SLX9: variants seen among roughly 807,000 people sequenced by gnomAD.
SLX9 encodes ribosome biogenesis protein SLX9 homolog.
A neutral mutation model predicts 20.8 loss-of-function variants in SLX9; 19 were observed. The observed-to-expected ratio is 0.91, with a 90% CI of 0.64 to 1.34. The LOEUF (loss-of-function observed/expected upper bound fraction) is 1.34, where lower values mean the gene tolerates loss of function less well. Ranked by LOEUF, SLX9 falls within the 40% of genes most tolerant of loss-of-function variation. The pLI is 0.00. For missense variants in SLX9, 299 were observed against 322.2 expected, an observed-to-expected ratio of 0.93 and a Z score of 0.55; for synonymous variants, 113 against 137.1, an observed-to-expected ratio of 0.82 and a Z score of 1.23.
chr21:44,948,118 C>T (rs926387129), intron 2 of SLX9, among the ~76,000 whole-genome samples: 4 of 152,382 alleles, frequency 2.6e-5, no homozygotes, highest in East Asian at 3.9e-4. Flanking sequence ...GCCTTGGGCA[C>T]GGCTCCAATC....
At chr21:44,974,972 G>A (rs535816141) in intron 5 of SLX9, among the ~76,000 whole-genome samples, 7 of 152,314 alleles carry the variant, frequency 4.6e-5, no homozygotes, top group South Asian at 2.1e-4. Context: ...CCTTGCGGTC[G>A]CGGCATTTTG....
In SLX9 at chr21:44,966,970, G is replaced by A; in HGVS notation, c.353-64G>A. ...CCTGCCAGGTCTCTCGTGGGCCAGA[G>A]GCTCTGGGCCTGGGCTCCTCCTCTG... On this transcript the variant is annotated intron_variant, in intron 3 of 5. Transcript: ENST00000291634. 3 of 1,552,780 alleles carry A rather than the reference G, an allele frequency of 1.9e-6. No homozygotes were observed. The South Asian group carries it at 3.5e-5, about 18-fold the overall frequency.
chr21:44,946,551 C>G (rs1185367918), intron 2 of SLX9, among the ~76,000 whole-genome samples: 1 of 152,218 alleles, frequency 6.6e-6, no homozygotes, highest in Non-Finnish European at 1.5e-5. Context: ...CTGCCCATGG[C>G]TGTGATTTCT....
intron 2 of SLX9, among the ~76,000 whole-genome samples, chr21:44,950,030 C>T (rs887154596): frequency 1.3e-5 from 2 of 152,102 alleles, no homozygotes; most frequent in Non-Finnish European, 2.9e-5. Flanking sequence ...CCTTGCACAG[C>T]GGAGACTTGG....
At chr21:44,957,893 G>A (rs547710435) in intron 2 of SLX9, among the ~76,000 whole-genome samples, 2 of 152,358 alleles carry the variant, frequency 1.3e-5, no homozygotes, top group East Asian at 1.9e-4. Flanking sequence ...GGCAGTGTGT[G>A]AGCCGCCCGT....
intron 4 of SLX9, among the ~76,000 whole-genome samples, chr21:44,969,521 C>T (rs575545062): frequency 5.3e-5 from 8 of 152,276 alleles, no homozygotes; most frequent in South Asian, 2.1e-4. Context: ...TGGGAGTCCC[C>T]GTCCCTCCTC....
intron 2 of SLX9, among the ~76,000 whole-genome samples, chr21:44,948,500 C>T (rs181950488): frequency 5.9e-4 from 90 of 152,322 alleles, no homozygotes; most frequent in Non-Finnish European, 1.1e-3. Flanking sequence ...GAAAACGAGC[C>T]CACCTGTTTT....
chr21:44,939,780 A>C, upstream of SLX9: 1 of 539,218 alleles, frequency 1.9e-6, no homozygotes, highest in Non-Finnish European at 3.5e-6. Flanking sequence ...CTTGGACGCA[A>C]CCCCGGGCTT....
At chr21:44,946,748 C>T (rs1203180635) in intron 2 of SLX9, among the ~76,000 whole-genome samples, 1 of 152,238 alleles carries the variant, frequency 6.6e-6, no homozygotes, top group Non-Finnish European at 1.5e-5. Flanking sequence ...GCTCTCAGCC[C>T]AGGGTTCTGG....
At chr21:44,949,256 G>A (rs1469907783) in intron 2 of SLX9, among the ~76,000 whole-genome samples, 1 of 152,168 alleles carries the variant, frequency 6.6e-6, no homozygotes, top group Non-Finnish European at 1.5e-5. Flanking sequence ...CCCTCGCACG[G>A]TTTGTGGCCT....
chr21:44,957,131 G>A (rs1358519401), intron 2 of SLX9, among the ~76,000 whole-genome samples: 1 of 152,234 alleles, frequency 6.6e-6, no homozygotes, highest in African/African-American at 2.4e-5. Flanking sequence ...AGCTCATGCT[G>A]CAGGTTTTTG....
chr21:44,949,480 C>T (rs577655755), intron 2 of SLX9, among the ~76,000 whole-genome samples: 10 of 152,238 alleles, frequency 6.6e-5, no homozygotes, highest in African/African-American at 9.6e-5. Flanking sequence ...CCCCAAAGCG[C>T]GGCCCCAGCT....
At chr21:44,962,569 C>G (rs933901262) in intron 3 of SLX9, among the ~76,000 whole-genome samples, 6 of 152,250 alleles carry the variant, frequency 3.9e-5, no homozygotes, top group Non-Finnish European at 7.3e-5. Flanking sequence ...ACTCACTTTC[C>G]TGCTGATGGG....
chr21:44,967,618 C>A (rs1047672513), intron 4 of SLX9, among the ~76,000 whole-genome samples: 1 of 152,184 alleles, frequency 6.6e-6, no homozygotes, highest in Non-Finnish European at 1.5e-5. Flanking sequence ...CTGCAGTCTC[C>A]CCTCCTGAGT....
intron 5 of SLX9, among the ~76,000 whole-genome samples, chr21:44,974,253 T>G (rs1568948883): frequency 4.3e-5 from 1 of 23,506 alleles, no homozygotes; most frequent in Non-Finnish European, 1.8e-4. Context: ...TTTGTGTCAG[T>G]TCTACCGAGG....
intron 5 of SLX9, 131 bp from the exon 6 acceptor site, chr21:44,976,549 G>C: frequency 7.3e-7 from 1 of 1,378,234 alleles, no homozygotes; most frequent in Non-Finnish European, 9.6e-7. Context: ...AAGTTTCCGA[G>C]GCCCCAGTAC....
At chr21:44,945,842 C>CGGG (rs2084632008) in intron 2 of SLX9, among the ~76,000 whole-genome samples, 1 of 152,256 alleles carries the variant, frequency 6.6e-6, no homozygotes, top group Non-Finnish European at 1.5e-5. Context: ...TCCTGAGTAG[C>CGGG]GGGGACGGGA....
At chr21:44,957,563 C>T (rs1365114762) in intron 2 of SLX9, among the ~76,000 whole-genome samples, 1 of 152,228 alleles carries the variant, frequency 6.6e-6, no homozygotes, top group African/African-American at 2.4e-5. Context: ...TCCCAGGACC[C>T]AGATCGCAGG....
chr21:44,946,356 C>T (rs1200613315), intron 2 of SLX9, among the ~76,000 whole-genome samples: 1 of 152,196 alleles, frequency 6.6e-6, no homozygotes, highest in African/African-American at 2.4e-5. Flanking sequence ...CTCGTGCTGA[C>T]AGTAGCGTGG....
Sources: gnomAD v4.1 joint callset for allele counts (sites outside exome capture counted in the v4.1 genomes callset) on GRCh38, gnomAD v4.1.1 for gene constraint, MANE v1.5 for transcripts, NCBI Gene and HGNC (gene_info 2026-07-23, HGNC 2026-07-21) for gene names.